The following SPOCK3 variants were observed in gnomAD, a reference collection of about 807,000 sequenced individuals.
The protein encoded by SPOCK3 is SPARC (osteonectin), cwcv and kazal like domains proteoglycan 3, also known as testican-3.
Under a neutral mutation model 56.6 loss-of-function variants are expected in SPOCK3, and 30 were observed. The ratio of observed to expected loss-of-function variants is 0.53; its 90% CI spans 0.40 to 0.72. The LOEUF (loss-of-function observed/expected upper bound fraction) is 0.72. Among genes scored for constraint, SPOCK3 ranks in the 30% least tolerant of loss-of-function variants. The pLI is 0.00. For missense variants in SPOCK3, 527 were observed against 530.0 expected, an observed-to-expected ratio of 0.99 and a Z score of 0.06; for synonymous variants, 196 against 183.3, an observed-to-expected ratio of 1.07 and a Z score of -0.56.
At chr4:166,986,383 C>T (rs1400333557) in intron 4 of SPOCK3, among the ~76,000 whole-genome samples, 2 of 152,100 alleles carry the variant, frequency 1.3e-5, no homozygotes, top group African/African-American at 4.8e-5. Flanking sequence ...AAATTCCATA[C>T]AATTGTGATG....
chr4:166,792,225 A>G lies in SPOCK3; in HGVS notation c.654T>C (p.His218=), dbSNP rs1244617574. 1 of 1,613,914 alleles carries G rather than the reference A, an allele frequency of 6.2e-7. No homozygotes were observed. Among genetic ancestry groups the G allele is most frequent in the Admixed American group, 1.7e-5 (1 of 60,008 alleles). ...TCTTCTTGTTTTGACTTCCACTTTC[A>G]TGAAGGGCCTTGAACCAGTCCCGCA... The part of the protein sequence containing the change: ...NRLRDWFKAL[H]ESGSQNKKTK... The change falls in exon 7 of 11, where the codon CAT becomes CAC. Residue 218 remains histidine, a synonymous_variant. Coordinates refer to ENST00000357545, the MANE Select transcript of SPOCK3 (RefSeq NM_001040159.2).
At chr4:166,876,663 A>C (rs554490489) in intron 6 of SPOCK3, among the ~76,000 whole-genome samples, 51 of 152,250 alleles carry the variant, frequency 3.3e-4, no homozygotes, top group African/African-American at 1.2e-3. Context: ...TTATAGCAAA[A>C]ATTATTTACA....
At chr4:167,210,680 T>G (rs908817335) in intron 2 of SPOCK3, among the ~76,000 whole-genome samples, 1 of 152,174 alleles carries the variant, frequency 6.6e-6, no homozygotes, top group African/African-American at 2.4e-5. Context: ...TCTAAAGTGT[T>G]TTCTCATACA....
At chr4:166,742,193 T>A (rs983386499) in intron 8 of SPOCK3, 134 bp from the exon 9 acceptor site, 2 of 618,990 alleles carry the variant, frequency 3.2e-6, no homozygotes, top group Non-Finnish European at 5.7e-6. Flanking sequence ...GGTTTACTTA[T>A]AAAGATACAT....
intron 4 of SPOCK3, among the ~76,000 whole-genome samples, chr4:166,976,499 A>G (rs1485958816): frequency 6.6e-6 from 1 of 152,042 alleles, no homozygotes; most frequent in Non-Finnish European, 1.5e-5. Flanking sequence ...CTTGACTTCA[A>G]CCTTAGTCCT....
intron 3 of SPOCK3, among the ~76,000 whole-genome samples, chr4:167,014,512 G>T (rs922247448): frequency 1.3e-5 from 2 of 151,958 alleles, no homozygotes; most frequent in African/African-American, 4.8e-5. Context: ...AAATTTAGCC[G>T]AGCATGGTGA....
At chr4:166,995,501 G>GA (rs1038148507) in intron 4 of SPOCK3, among the ~76,000 whole-genome samples, 2 of 151,738 alleles carry the variant, frequency 1.3e-5, no homozygotes, top group African/African-American at 2.4e-5. Flanking sequence ...GATAATTATG[G>GA]AAAAAATGTA....
intron 4 of SPOCK3, among the ~76,000 whole-genome samples, chr4:166,976,748 A>C (rs1745993267): frequency 6.6e-6 from 1 of 152,154 alleles, no homozygotes; most frequent in Admixed American, 6.5e-5. Flanking sequence ...ATAAATATTT[A>C]CTTAAGTGGT....
intron 4 of SPOCK3, among the ~76,000 whole-genome samples, chr4:166,980,670 C>T (rs1746477244): frequency 6.6e-6 from 1 of 152,236 alleles, no homozygotes; most frequent in Admixed American, 6.5e-5. Flanking sequence ...GCAGGGTGGG[C>T]AGCTCCAGGC....
At chr4:166,947,228 C>A (rs927799481) in intron 4 of SPOCK3, among the ~76,000 whole-genome samples, 1 of 152,060 alleles carries the variant, frequency 6.6e-6, no homozygotes, top group Non-Finnish European at 1.5e-5. Context: ...TATAGTCAAC[C>A]AACAGCCCCA....
At chr4:167,205,470 TA>T (rs1734132085) in intron 2 of SPOCK3, among the ~76,000 whole-genome samples, 1 of 53,440 alleles carries the variant, frequency 1.9e-5, no homozygotes, top group Non-Finnish European at 3.2e-5. Flanking sequence ...ATATAGAATT[TA>T]TTTTATATAT....
At chr4:166,895,443 T>TAAA (rs56955240) in intron 5 of SPOCK3, among the ~76,000 whole-genome samples, 18 of 150,632 alleles carry the variant, frequency 1.2e-4, no homozygotes, top group African/African-American at 3.2e-4. Flanking sequence ...GGATGCATTG[T>TAAA]AAAAAAAGAA....
intron 4 of SPOCK3, among the ~76,000 whole-genome samples, chr4:166,922,205 A>C (rs755630843): frequency 6.6e-6 from 1 of 152,298 alleles, no homozygotes; most frequent in Non-Finnish European, 1.5e-5. Flanking sequence ...TTGGTGCCAA[A>C]AAGATTGGGG....
intron 10 of SPOCK3, among the ~76,000 whole-genome samples, chr4:166,736,247 T>C (rs998864938): frequency 3.9e-5 from 6 of 152,120 alleles, no homozygotes; most frequent in African/African-American, 7.2e-5. Context: ...CCAAAAGCAA[T>C]GTTCTTGTTC....
At chr4:166,735,710 TGA>T (rs1734152719) in intron 10 of SPOCK3, among the ~76,000 whole-genome samples, 5 of 152,050 alleles carry the variant, frequency 3.3e-5, no homozygotes, top group Admixed American at 2.6e-4. Flanking sequence ...AACCAAGGGA[TGA>T]GAGCTACCTC....
At chr4:167,148,899 T>G (rs1427644374) in intron 2 of SPOCK3, among the ~76,000 whole-genome samples, 1 of 152,158 alleles carries the variant, frequency 6.6e-6, no homozygotes, top group Non-Finnish European at 1.5e-5. Flanking sequence ...TGGAACATTA[T>G]TTTAGAATCA....
At chr4:167,099,459 T>C (rs1759445253) in intron 2 of SPOCK3, among the ~76,000 whole-genome samples, 1 of 151,950 alleles carries the variant, frequency 6.6e-6, no homozygotes, top group South Asian at 2.1e-4. Flanking sequence ...ATGTGACAAA[T>C]AACTTAGATC....
intron 2 of SPOCK3, among the ~76,000 whole-genome samples, chr4:167,205,530 TTATATAATATATATTATATAA>T (rs1379429777): frequency 0.02 from 1,232 of 60,144 alleles, 65 homozygotes; most frequent in African/African-American, 0.09. Context: ...ATATATATTA[TTATATAATATATATTATATAA>T]TATATAATAT....
At chr4:166,831,303 G>A (rs2126794669) in intron 6 of SPOCK3, among the ~76,000 whole-genome samples, 1 of 152,236 alleles carries the variant, frequency 6.6e-6, no homozygotes, top group East Asian at 1.9e-4. Flanking sequence ...GAGCTGGCAT[G>A]TATTTCTTTA....
Sources: allele counts gnomAD v4.1 joint callset (sites outside exome capture counted in the v4.1 genomes callset), GRCh38; gene constraint gnomAD v4.1.1; transcripts MANE v1.5; gene names NCBI Gene and HGNC (gene_info 2026-07-23, HGNC 2026-07-21).